Variants in GULP1 observed in about 807,000 individuals in gnomAD.
GULP1 encodes GULP PTB domain containing engulfment adaptor 1.
Under a neutral mutation model 40.9 loss-of-function variants are expected in GULP1, and 19 were observed. That is an observed-to-expected ratio of 0.46 (90% confidence interval 0.32 to 0.68). The LOEUF (loss-of-function observed/expected upper bound fraction) is 0.68. Among genes scored for constraint, GULP1 ranks in the 30% least tolerant of loss-of-function variants. GULP1 has a pLI of 0.03. For missense variants in GULP1, 312 were observed against 362.2 expected (o/e 0.86, Z 1.12); for synonymous variants, 119 against 117.6 (o/e 1.01, Z -0.08).
intron 2 of GULP1, among the ~76,000 whole-genome samples, chr2:188,431,208 T>C (rs932463427): frequency 7.2e-5 from 11 of 152,144 alleles, no homozygotes; most frequent in African/African-American, 2.4e-4. Flanking sequence ...AGAATTAAGT[T>C]ATACTGGAGG....
chr2:188,358,181 A>AAACAAC (rs201363968), intron 1 of GULP1, among the ~76,000 whole-genome samples: 1,872 of 151,784 alleles, frequency 0.012, 15 homozygotes, highest in Non-Finnish European at 0.019. Flanking sequence ...ACTCCATCTC[A>AAACAAC]AACAACAACA....
chr2:188,495,888 G>T (rs1426167677), intron 4 of GULP1, among the ~76,000 whole-genome samples: 1 of 151,974 alleles, frequency 6.6e-6, no homozygotes, highest in East Asian at 1.9e-4. Flanking sequence ...TCTTACAGAT[G>T]GGATTTTTTA....
chr2:188,471,695 CTTT>C (rs1199782678), intron 2 of GULP1, among the ~76,000 whole-genome samples: 1 of 152,122 alleles, frequency 6.6e-6, no homozygotes, highest in Non-Finnish European at 1.5e-5. Flanking sequence ...CCTGCTTTAA[CTTT>C]TTATTATTTC....
At chr2:188,388,112 T>G (rs890945963) in intron 2 of GULP1, among the ~76,000 whole-genome samples, 2 of 149,518 alleles carry the variant, frequency 1.3e-5, no homozygotes, top group Non-Finnish European at 3.0e-5. Context: ...TTCCCATCTA[T>G]GAGTGAGAAC....
chr2:188,363,687 A>C lies in GULP1; in HGVS notation c.-171-20076A>C, dbSNP rs75537621. Reference sequence around the variant, plus strand: ...TGAAAGCAAAATATTAGGTCGGAGCAATAGTAATTGTGGTTTTTGCCATTG... The same window carrying C: ...TGAAAGCAAAATATTAGGTCGGAGCCATAGTAATTGTGGTTTTTGCCATTG... On this transcript the variant is annotated intron_variant, in intron 1 of 11. Transcript: ENST00000409830. Among the ~76,000 whole-genome samples the C allele has an allele frequency of 7.5e-3, 1,140 of 152,210 alleles. 11 individuals carry two copies. Among genetic ancestry groups the C allele is most frequent in the Non-Finnish European group, 0.014 (929 of 68,008 alleles).
At chr2:188,525,917 C>G (rs887852947) in intron 5 of GULP1, among the ~76,000 whole-genome samples, 3 of 152,132 alleles carry the variant, frequency 2.0e-5, no homozygotes, top group Non-Finnish European at 4.4e-5. Flanking sequence ...TCGCTCATTT[C>G]CCGCAGGATT....
At chr2:188,550,411 T>G (rs1693152005) in intron 7 of GULP1, among the ~76,000 whole-genome samples, 1 of 151,660 alleles carries the variant, frequency 6.6e-6, no homozygotes, top group Non-Finnish European at 1.5e-5. Flanking sequence ...GTTTAACCAT[T>G]ATTTTGATTT....
At chr2:188,585,326 G>A (rs889366285) in intron 10 of GULP1, among the ~76,000 whole-genome samples, 1 of 152,206 alleles carries the variant, frequency 6.6e-6, no homozygotes, top group African/African-American at 2.4e-5. Context: ...CTGAAAGACA[G>A]TGGCCCTCTT....
intron 1 of GULP1, among the ~76,000 whole-genome samples, chr2:188,380,645 A>G (rs1213382620): frequency 6.6e-6 from 1 of 152,182 alleles, no homozygotes; most frequent in Non-Finnish European, 1.5e-5. Context: ...ATATCCAGGA[A>G]AACTCCTAAA....
chr2:188,472,140 G>A (rs1206871320), intron 2 of GULP1, among the ~76,000 whole-genome samples: 2 of 152,068 alleles, frequency 1.3e-5, no homozygotes, highest in East Asian at 3.9e-4. Context: ...GCTGCCAGAT[G>A]TATTGGAACT....
chr2:188,527,888 A>G, intron 5 of GULP1, among the ~76,000 whole-genome samples: 1 of 152,180 alleles, frequency 6.6e-6, no homozygotes. Context: ...TTACAGTGAA[A>G]TACACAGTGC....
intron 2 of GULP1, among the ~76,000 whole-genome samples, chr2:188,430,768 T>C (rs2056776460): frequency 6.6e-6 from 1 of 152,098 alleles, no homozygotes; most frequent in Non-Finnish European, 1.5e-5. Flanking sequence ...AAACTAAAAA[T>C]ATTACCCTAA....
intron 4 of GULP1, among the ~76,000 whole-genome samples, chr2:188,503,010 C>T (rs1015978266): frequency 2.0e-5 from 3 of 151,858 alleles, no homozygotes; most frequent in African/African-American, 7.2e-5. Context: ...TTCCTCAAGA[C>T]TTCGTATGGA....
chr2:188,373,273 A>G (rs534648804), intron 1 of GULP1, among the ~76,000 whole-genome samples: 1 of 152,064 alleles, frequency 6.6e-6, no homozygotes, highest in African/African-American at 2.4e-5. Flanking sequence ...TTAAGAGAAA[A>G]GTAGCCTAAT....
At chr2:188,467,277 T>C (rs2060206357) in intron 2 of GULP1, among the ~76,000 whole-genome samples, 2 of 152,212 alleles carry the variant, frequency 1.3e-5, no homozygotes, top group African/African-American at 4.8e-5. Flanking sequence ...ACCTTCTCTT[T>C]CTGCCTGGAA....
intron 1 of GULP1, among the ~76,000 whole-genome samples, chr2:188,343,525 G>A (rs552095878): frequency 2.0e-5 from 3 of 152,144 alleles, no homozygotes; most frequent in South Asian, 2.1e-4. Context: ...TCCTTAAAGC[G>A]AATTACAAAA....
rs543787254 is a variant in GULP1 at position 188,569,053 on chromosome 2, G to C, written c.400-186G>C. 9.2e-5 allele frequency among the ~76,000 whole-genome samples: 14 copies of C among 152,154 alleles called. No homozygotes were observed. The South Asian group carries it at 1.9e-3, about 20-fold the overall frequency. On this transcript the variant is annotated intron_variant, in intron 7 of 11. Coordinates refer to ENST00000409830, the MANE Select transcript of GULP1 (RefSeq NM_016315.4). ...GTTTTTTCAATGTTGTGCCTGGGTAGGTGTTGAGTTATTACATTAGCCTAC... is the reference window on the plus strand; with the variant it reads ...GTTTTTTCAATGTTGTGCCTGGGTACGTGTTGAGTTATTACATTAGCCTAC...
chr2:188,535,649 T>C (rs1688744514), intron 6 of GULP1, among the ~76,000 whole-genome samples: 1 of 151,964 alleles, frequency 6.6e-6, no homozygotes, highest in Non-Finnish European at 1.5e-5. Context: ...AATGAACATA[T>C]GAGTGCATGT....
At chr2:188,468,603 A>G (rs1211617541) in intron 2 of GULP1, among the ~76,000 whole-genome samples, 2 of 152,186 alleles carry the variant, frequency 1.3e-5, no homozygotes, top group Admixed American at 1.3e-4. Context: ...ATTTGAGGGA[A>G]CAGTTTTTAT....
Sources: allele counts gnomAD v4.1 joint callset (sites outside exome capture counted in the v4.1 genomes callset), GRCh38; gene constraint gnomAD v4.1.1; transcripts MANE v1.5; gene names NCBI Gene and HGNC (gene_info 2026-07-23, HGNC 2026-07-21).